The following TNFSF15 variants were observed in gnomAD, a reference collection of about 807,000 sequenced individuals.
The protein encoded by TNFSF15 is TNF superfamily member 15.
TNFSF15 carries 15 observed loss-of-function variants against 26.4 expected under a neutral mutation model. That is an observed-to-expected ratio of 0.57 (90% confidence interval 0.38 to 0.87). The LOEUF is 0.87. Among genes scored for constraint, TNFSF15 ranks in the 40% least tolerant of loss-of-function variants. The probability of loss-of-function intolerance (pLI) is 0.00; values close to 1 mark genes in which losing one functional copy is unlikely to be tolerated. For missense variants in TNFSF15, 290 were observed against 306.1 expected (o/e 0.95, Z 0.39); for synonymous variants, 116 against 115.0 (o/e 1.01, Z -0.06).
rs1389787908 is a variant in TNFSF15 at position 114,793,584 on chromosome 9, G to A, written c.211-16C>T. 3.7e-6 allele frequency: 6 copies of A among 1,613,340 alleles called. No individual in the cohort carries two copies. Among genetic ancestry groups the A allele is most frequent in the Non-Finnish European group, 4.2e-6 (5 of 1,179,454 alleles). On this transcript the variant is annotated splice_polypyrimidine_tract_variant and intron_variant, in intron 1 of 3. Coordinates refer to ENST00000374045, the MANE Select transcript of TNFSF15 (RefSeq NM_005118.4). ...CTTTTAGAGCCTATTGGGAAAGAAAGTATAGTTTAGACCAACTGTGGTCCT... is the reference window on the plus strand; with the variant it reads ...CTTTTAGAGCCTATTGGGAAAGAAAATATAGTTTAGACCAACTGTGGTCCT...
At chr9:114,803,559 C>T (rs371974330) in intron 1 of TNFSF15, among the ~76,000 whole-genome samples, 1 of 152,184 alleles carries the variant, frequency 6.6e-6, no homozygotes, top group South Asian at 2.1e-4. Flanking sequence ...CCTCCAGATC[C>T]TCTCTCAGCC....
chr9:114,804,363 T>C (rs888135350), intron 1 of TNFSF15, among the ~76,000 whole-genome samples: 17 of 152,112 alleles, frequency 1.1e-4, no homozygotes, highest in African/African-American at 4.1e-4. Flanking sequence ...TCCTCCCTGG[T>C]CTGTAACATT....
intron 1 of TNFSF15, among the ~76,000 whole-genome samples, chr9:114,796,694 C>T (rs1371652468): frequency 6.6e-6 from 1 of 152,170 alleles, no homozygotes; most frequent in East Asian, 1.9e-4. Flanking sequence ...CAGCAAATAC[C>T]TCAATACCCT....
intron 3 of TNFSF15, chr9:114,792,063 A>C: frequency 4.1e-6 from 1 of 245,672 alleles, no homozygotes. Flanking sequence ...GAACCCCCCC[A>C]CAGGGAAGAA....
intron 1 of TNFSF15, among the ~76,000 whole-genome samples, chr9:114,796,953 G>A (rs1829680119): frequency 6.6e-6 from 1 of 152,192 alleles, no homozygotes; most frequent in Non-Finnish European, 1.5e-5. Flanking sequence ...TTATTCTGTA[G>A]TCTATTGCCT....
rs1454687705 is a variant in TNFSF15, at chr9:114,802,748, ATAGTTGTGGTAATAGTTTTCTCCAT to A, written c.210+3030_210+3054del. Among the ~76,000 whole-genome samples, 14 of 152,224 alleles carry A rather than the reference ATAGTTGTGGTAATAGTTTTCTCCAT, an allele frequency of 9.2e-5. No individual in the cohort carries two copies. In the East Asian group the frequency reaches 2.7e-3, roughly 29 times the overall value. ...AGAGGGGTGAGGCTCAGTAACTGGT[ATAGTTGTGGTAATAGTTTTCTCCAT>A]GGTATTACTGATCTCCTTCTTCCTT... On this transcript the variant is annotated intron_variant, in intron 1 of 3. Coordinates refer to ENST00000374045, the MANE Select transcript of TNFSF15 (RefSeq NM_005118.4).
intron 1 of TNFSF15, among the ~76,000 whole-genome samples, chr9:114,805,182 A>G (rs1293298246): frequency 6.6e-6 from 1 of 152,224 alleles, no homozygotes; most frequent in Non-Finnish European, 1.5e-5. Flanking sequence ...CTAAAAAGAG[A>G]AAAAGTTCTA....
intron 1 of TNFSF15, 114 bp from the exon 2 acceptor site, chr9:114,793,682 T>C (rs1041891838): frequency 2.1e-6 from 2 of 944,680 alleles, no homozygotes; most frequent in Non-Finnish European, 3.4e-6. Context: ...GCCTGGGTAC[T>C]CTGTGATGAG....
chr9:114,798,246 A>G (rs1275048777), intron 1 of TNFSF15, among the ~76,000 whole-genome samples: 1 of 152,192 alleles, frequency 6.6e-6, no homozygotes, highest in African/African-American at 2.4e-5. Flanking sequence ...CATGCATCTT[A>G]GAGGGAGATG....
intron 1 of TNFSF15, among the ~76,000 whole-genome samples, chr9:114,797,093 G>A (rs913596834): frequency 1.3e-5 from 2 of 152,092 alleles, no homozygotes; most frequent in African/African-American, 2.4e-5. Context: ...TGCCCTGGTT[G>A]GCCTCTTTTG....
Position 114,805,850 on chromosome 9 carries a change from G to T in TNFSF15, c.163C>A (p.Leu55Ile). The T allele has an allele frequency of 1.2e-6, 2 of 1,613,930 alleles. No homozygotes were observed. Among genetic ancestry groups the T allele is most frequent in the Admixed American group, 1.7e-5 (1 of 60,036 alleles). Reference protein sequence around the residue: ...PFLAGLTTYLLVSQLRAQGEA... With the variant: ...PFLAGLTTYLIVSQLRAQGEA... Reference sequence around the variant, plus strand: ...CCCTGGGCCCGGAGCTGGCTGACAAGCAGGTATGTGGTGAGTCCTGCAAGG... The same window carrying T: ...CCCTGGGCCCGGAGCTGGCTGACAATCAGGTATGTGGTGAGTCCTGCAAGG... Residue 55 changes from leucine to isoleucine, a missense_variant, in exon 1 of 4, where the codon CTT becomes ATT. This residue lies in a region of TNFSF15 where 179 missense variants were observed against 165.9 expected (regional missense o/e 1.08). Coordinates refer to ENST00000374045, the MANE Select transcript of TNFSF15 (RefSeq NM_005118.4).
chr9:114,791,077 G>A (rs1332293411), intron 3 of TNFSF15, 171 bp from the exon 4 acceptor site: 2 of 666,816 alleles, frequency 3.0e-6, no homozygotes, highest in African/African-American at 3.7e-5. Context: ...ATACACATTT[G>A]TTCAAAGAGA....
chr9:114,790,881 G>C lies in TNFSF15; in HGVS notation c.327C>G (p.His109Gln). 6.2e-7 allele frequency: 1 copy of C among 1,614,176 alleles called. No homozygotes were observed. The highest frequency in any genetic ancestry group is 1.1e-5 in the South Asian group (1 of 91,082). Residue 109 changes from histidine (H) to glutamine (Q), a missense_variant, in exon 4 of 4, where the codon CAC (histidine) becomes CAG (glutamine). His to Gln is a conservative substitution (Grantham distance 24, BLOSUM62 0). This residue lies in a region of TNFSF15 where 179 missense variants were observed against 165.9 expected (regional missense o/e 1.08). Transcript: ENST00000374045. ...GCAGAGCTGGGAACTGATTTTTAAA[G>C]TGCTGTGTGGGAGTTTGTCTCACAA... ...LTVVRQTPTQ[H>Q]FKNQFPALHW...
At chr9:114,802,751 G>C (rs545440990) in intron 1 of TNFSF15, among the ~76,000 whole-genome samples, 2 of 152,260 alleles carry the variant, frequency 1.3e-5, no homozygotes, top group East Asian at 1.9e-4. Flanking sequence ...AACTGGTATA[G>C]TTGTGGTAAT....
rs1369131808 is a variant in TNFSF15, at chr9:114,806,034, A to G, written c.-22T>C. On this transcript the variant is annotated 5_prime_UTR_variant, in exon 1 of 4. Coordinates refer to ENST00000374045, the MANE Select transcript of TNFSF15 (RefSeq NM_005118.4). ...CCATGCTCCTGCTGCTCCTGGAGGC[A>G]CCTCTGACTCCTGGGCAGAGAGAGC... The G allele has an allele frequency of 3.7e-6, 6 of 1,609,360 alleles. No homozygotes were observed. In the Admixed American group the frequency reaches 1.0e-4, roughly 27 times the overall value.
rs1478406259 is a variant in TNFSF15, at chr9:114,786,994, G to A, written c.*3458C>T. ...TGCCAAATAGACTGAAACCATGCTA[G>A]CATCAAAATGTTAGTGATTCTGTGC... On this transcript the variant is annotated 3_prime_UTR_variant, in exon 4 of 4. Transcript: ENST00000374045. 1 of 150,960 alleles carries A rather than the reference G, an allele frequency of 6.6e-6. No homozygotes were observed. The highest frequency in any genetic ancestry group is 2.4e-5 in the African/African-American group (1 of 41,002). The allele number at this position is 150,960 out of a possible 1,614,324, so 9.4% of individuals were successfully genotyped here.
At position 114,789,573 on chromosome 9, in the gene TNFSF15, C is replaced by G. The variant is rs1427497737; in HGVS notation, c.*879G>C. The G allele has an allele frequency of 6.6e-6, 1 of 152,254 alleles. No homozygotes were observed. The highest frequency in any genetic ancestry group is 1.5e-5 in the Non-Finnish European group (1 of 68,112). The allele number at this position is 152,254 out of a possible 1,614,324, so 9.4% of individuals were successfully genotyped here. ...AGATGATCCACCCACCTTGGCCTCC[C>G]AAAGTGTTGGGATTACAGGTGTGAG... On this transcript the variant is annotated 3_prime_UTR_variant, in exon 4 of 4. Transcript: ENST00000374045.
chr9:114,798,850 C>T (rs1829705313), intron 1 of TNFSF15, among the ~76,000 whole-genome samples: 2 of 152,212 alleles, frequency 1.3e-5, no homozygotes, highest in African/African-American at 4.8e-5. Flanking sequence ...AGCCTTTCCT[C>T]TCATGTACTA....
rs1413096087 is a variant in TNFSF15, at chr9:114,785,209, C to T, written c.*5243G>A. On this transcript the variant is annotated 3_prime_UTR_variant, in exon 4 of 4. Coordinates refer to ENST00000374045, the MANE Select transcript of TNFSF15 (RefSeq NM_005118.4). Reference sequence around the variant, plus strand: ...TAGCATCCAACTAGCTACTGTCTGGCACTGGCCACGAAGGGTGACAGGGTG... The same window carrying T: ...TAGCATCCAACTAGCTACTGTCTGGTACTGGCCACGAAGGGTGACAGGGTG... 5 of 152,244 alleles carry T rather than the reference C, an allele frequency of 3.3e-5. No individual in the cohort carries two copies. The highest frequency in any genetic ancestry group is 6.5e-5 in the Admixed American group (1 of 15,288). 9.4% of individuals were successfully genotyped at this position (152,244 alleles called of 1,614,324 possible). A position where few individuals can be genotyped will look rare whatever the true frequency, so the allele number is the denominator to read the frequency against.
Sources: allele counts gnomAD v4.1 joint callset (sites outside exome capture counted in the v4.1 genomes callset), GRCh38; gene constraint gnomAD v4.1.1; regional missense constraint gnomAD v4.1.1; transcripts MANE v1.5; gene names NCBI Gene and HGNC (gene_info 2026-07-23, HGNC 2026-07-21).